The following SEC31A variants were observed in gnomAD, a reference collection of about 807,000 sequenced individuals.
SEC31A encodes SEC31 homolog A, COPII component.
Under a neutral mutation model 151.0 loss-of-function variants are expected in SEC31A, and 70 were observed. The ratio of observed to expected loss-of-function variants is 0.46; its 90% CI spans 0.38 to 0.57. The LOEUF is 0.57. SEC31A is among the 20% of genes least tolerant of loss of function. The pLI is 0.00. For synonymous variants in SEC31A, 475 were observed against 505.9 expected, an observed-to-expected ratio of 0.94 and a Z score of 0.82; for missense variants, 1,330 against 1,471.2, an observed-to-expected ratio of 0.90 and a Z score of 1.57.
intron 1 of SEC31A, 105 bp from the exon 2 acceptor site, chr4:82,882,045 T>C: frequency 2.5e-6 from 2 of 811,118 alleles, no homozygotes; most frequent in Non-Finnish European, 4.2e-6. Flanking sequence ...ACTACAACAT[T>C]AGTAATGCCC....
intron 3 of SEC31A, among the ~76,000 whole-genome samples, chr4:82,896,948 A>G (rs1720088132): frequency 1.3e-5 from 2 of 151,660 alleles, no homozygotes; most frequent in Non-Finnish European, 2.9e-5. Flanking sequence ...TTCCACCCCC[A>G]CCTCCCACAG....
chr4:82,838,312 G>A (rs1727906701), intron 22 of SEC31A, among the ~76,000 whole-genome samples: 1 of 152,030 alleles, frequency 6.6e-6, no homozygotes, highest in Non-Finnish European at 1.5e-5. Flanking sequence ...CTTCATATTT[G>A]AAAGTGCTCT....
intron 3 of SEC31A, among the ~76,000 whole-genome samples, chr4:82,879,692 A>G (rs983152711): frequency 6.6e-6 from 1 of 152,226 alleles, no homozygotes; most frequent in African/African-American, 2.4e-5. Flanking sequence ...GATTTGAGCT[A>G]TATTCTGTCA....
intron 8 of SEC31A, 83 bp downstream of exon 8, chr4:82,870,242 G>T (rs1397074808): frequency 1.9e-6 from 2 of 1,027,690 alleles, no homozygotes; most frequent in African/African-American, 1.6e-5. Context: ...ATCCACTAAA[G>T]AATCCACACA....
rs570430392 is a variant in SEC31A at position 82,854,201 on chromosome 4, G to A, written c.2009-486C>T. 1.7e-4 allele frequency among the ~76,000 whole-genome samples: 26 copies of A among 151,952 alleles called. No individual in the cohort carries two copies. The South Asian group carries it at 5.2e-3, about 30-fold the overall frequency. On this transcript the variant is annotated intron_variant, in intron 17 of 26. Transcript: ENST00000395310. ...CAACATGGTGAAACCCTGTCTCTAC[G>A]AAAAATGCAAAACTAGCCAGGCATG...
In SEC31A at chr4:82,874,688, T is replaced by C; in HGVS notation, c.562A>G (p.Ser188Gly). 6.2e-7 allele frequency: 1 copy of C among 1,613,418 alleles called. No individual in the cohort carries two copies. Among genetic ancestry groups the C allele is most frequent in the Non-Finnish European group, 8.5e-7 (1 of 1,179,896 alleles). The change falls in exon 6 of 27, where the codon AGT (serine) becomes GGT (glycine). Residue 188 changes from serine (S) to glycine (G), a missense_variant. By Grantham distance (56) the Ser-to-Gly change is moderately conservative. Coordinates refer to ENST00000395310, the MANE Select transcript of SEC31A (RefSeq NM_001077207.4). ...RQVQHILASASPSGRATVWDL... is the reference protein window; with the variant it reads ...RQVQHILASAGPSGRATVWDL... ...CATACAGTGGCCCGGCCACTGGGAC[T>C]GGCTGATGCTAAAATATGCTGAACT...
At chr4:82,821,007 TA>T in intron 26 of SEC31A, 29 bp downstream of exon 26, 1 of 1,572,878 alleles carries the variant, frequency 6.4e-7, no homozygotes, top group Non-Finnish European at 8.7e-7. Context: ...AATAAATGAT[TA>T]TCATAAATCC....
intron 22 of SEC31A, among the ~76,000 whole-genome samples, chr4:82,829,882 T>A (rs370825746): frequency 7.7e-4 from 117 of 152,316 alleles, no homozygotes; most frequent in South Asian, 3.9e-3. Context: ...ATGCTGGAAA[T>A]AAGAATAATT....
At chr4:82,851,675 G>A in intron 18 of SEC31A, 71 bp from the exon 19 acceptor site, 2 of 1,314,848 alleles carry the variant, frequency 1.5e-6, no homozygotes. Context: ...AAAAGATCAA[G>A]AGTTACTAAG....
chr4:82,891,323 C>T (rs111668705), upstream of SEC31A: 5,483 of 779,812 alleles, frequency 7.0e-3, 62 homozygotes, highest in Middle Eastern at 0.015. Context: ...GCCTGGGAGG[C>T]GGGGTACGGC....
chr4:82,899,672 C>T (rs1036193752), intron 3 of SEC31A: 4 of 152,580 alleles, frequency 2.6e-5, no homozygotes, highest in African/African-American at 9.7e-5. Flanking sequence ...AGAGAAGATA[C>T]AAGCATATTA....
intron 24 of SEC31A, among the ~76,000 whole-genome samples, chr4:82,825,721 T>G (rs72925484): frequency 0.016 from 2,440 of 152,112 alleles, 70 homozygotes; most frequent in African/African-American, 0.055. Flanking sequence ...AAAGGCCAAA[T>G]TAGAGATGGA....
intron 21 of SEC31A, chr4:82,843,867 T>C (rs969431160): frequency 2.6e-5 from 4 of 152,462 alleles, no homozygotes; most frequent in African/African-American, 7.2e-5. Flanking sequence ...TCATCGATTG[T>C]AACAAATACA....
intron 6 of SEC31A, among the ~76,000 whole-genome samples, chr4:82,873,086 C>T (rs911786033): frequency 6.6e-6 from 1 of 151,960 alleles, no homozygotes; most frequent in African/African-American, 2.4e-5. Context: ...ACAGGCTGGG[C>T]GTGGTGGCTC....
At chr4:82,825,738 T>C (rs1333325476) in intron 24 of SEC31A, among the ~76,000 whole-genome samples, 3 of 152,160 alleles carry the variant, frequency 2.0e-5, no homozygotes, top group Non-Finnish European at 4.4e-5. Context: ...TGGATCAAAG[T>C]AGATATCGGC....
At position 82,874,734 on chromosome 4, in the gene SEC31A, G is replaced by T. The variant is rs1274407446; in HGVS notation, c.516C>A (p.Ser172Arg). 6.8e-6 allele frequency: 11 copies of T among 1,608,100 alleles called. No homozygotes were observed. Among genetic ancestry groups the T allele is most frequent in the Non-Finnish European group, 9.3e-6 (11 of 1,178,836 alleles). Reference protein sequence around the residue: ...GAKTQPPEDISCIAWNRQVQH... With the variant: ...GAKTQPPEDIRCIAWNRQVQH... The stretch of plus-strand genomic sequence containing the variant: ...GAACTTGTCTGTTCCATGCAATGCA[G>T]CTGATATCTTCTGGCGGCTACAAGG... The change falls in exon 6 of 27, where the codon AGC becomes AGA. Residue 172 changes from serine to arginine, a missense_variant. Ser to Arg is a moderately radical substitution (Grantham distance 110). Transcript: ENST00000395310.
intron 11 of SEC31A, among the ~76,000 whole-genome samples, chr4:82,863,905 C>T (rs1278242984): frequency 6.6e-6 from 1 of 152,060 alleles, no homozygotes; most frequent in African/African-American, 2.4e-5. Context: ...GCAAAATGAC[C>T]AACCAGGAAA....
At chr4:82,864,230 C>G in intron 11 of SEC31A, 132 bp downstream of exon 11, 1 of 685,784 alleles carries the variant, frequency 1.5e-6, no homozygotes, top group Non-Finnish European at 2.4e-6. Flanking sequence ...TATAAGGCTT[C>G]TTAATTTCAT....
chr4:82,890,921 G>C (rs1441991990), intron 1 of SEC31A, 167 bp downstream of exon 1: 3 of 1,415,702 alleles, frequency 2.1e-6, no homozygotes, highest in Non-Finnish European at 2.8e-6. Context: ...GCCAGGCGTT[G>C]TTCCGCCGGG....
Sources: gnomAD v4.1 joint callset for allele counts (sites outside exome capture counted in the v4.1 genomes callset) on GRCh38, gnomAD v4.1.1 for gene constraint, MANE v1.5 for transcripts, NCBI Gene and HGNC (gene_info 2026-07-23, HGNC 2026-07-21) for gene names.